Variants in DOCK4 observed in about 807,000 individuals in gnomAD.
DOCK4 encodes dedicator of cytokinesis protein 4.
Under a neutral mutation model 268.1 loss-of-function variants are expected in DOCK4, and 97 were observed. The observed-to-expected ratio is 0.36, with a 90% CI of 0.31 to 0.43. DOCK4 has a LOEUF of 0.43. DOCK4 is among the 20% of genes least tolerant of loss of function. The pLI, the probability that DOCK4 is intolerant of heterozygous loss-of-function variation, is 1.00. For missense variants in DOCK4, 2,145 were observed against 2,455.7 expected, an observed-to-expected ratio of 0.87 and a Z score of 2.67; for synonymous variants, 954 against 887.2, an observed-to-expected ratio of 1.08 and a Z score of -1.34.
At chr7:111,779,024 C>T (rs1468021189) in intron 35 of DOCK4, among the ~76,000 whole-genome samples, 1 of 151,462 alleles carries the variant, frequency 6.6e-6, no homozygotes, top group Admixed American at 6.6e-5. Flanking sequence ...CACTGCACTG[C>T]AGCCTGGTGA....
intron 1 of DOCK4, among the ~76,000 whole-genome samples, chr7:112,015,357 G>C (rs1801724939): frequency 6.6e-6 from 1 of 152,178 alleles, no homozygotes; most frequent in African/African-American, 2.4e-5. Context: ...GTAACTCCAA[G>C]AATAATCCAC....
chr7:112,090,524 A>G (rs974309837), intron 1 of DOCK4, among the ~76,000 whole-genome samples: 6 of 152,210 alleles, frequency 3.9e-5, no homozygotes, highest in African/African-American at 1.4e-4. Flanking sequence ...GTAAGTAACC[A>G]TATTTTATAA....
At chr7:111,963,325 AGTGGGCGCAGGCCAGT>A (rs1797090103) in intron 8 of DOCK4, among the ~76,000 whole-genome samples, 1 of 141,292 alleles carries the variant, frequency 7.1e-6, no homozygotes, top group East Asian at 2.2e-4. Context: ...AGTGCCAGAC[AGTGGGCGCAGGCCAGT>A]GTGTGTGCGC....
chr7:112,127,706 A>C (rs189043649), intron 1 of DOCK4, among the ~76,000 whole-genome samples: 2 of 152,346 alleles, frequency 1.3e-5, no homozygotes, highest in Non-Finnish European at 2.9e-5. Context: ...CCAATACTAC[A>C]TCACCAATGA....
chr7:111,875,766 C>T (rs1480787599), intron 17 of DOCK4, among the ~76,000 whole-genome samples: 1 of 152,174 alleles, frequency 6.6e-6, no homozygotes, highest in Non-Finnish European at 1.5e-5. Context: ...GAATGCAGCC[C>T]TGCTGGCACC....
At chr7:111,908,197 C>T (rs1586334134) in intron 13 of DOCK4, among the ~76,000 whole-genome samples, 2 of 152,036 alleles carry the variant, frequency 1.3e-5, no homozygotes, top group South Asian at 4.1e-4. Context: ...ACCTGTAATC[C>T]CAGCACTTTG....
intron 17 of DOCK4, among the ~76,000 whole-genome samples, chr7:111,873,772 G>A (rs949276291): frequency 3.3e-5 from 5 of 151,926 alleles, no homozygotes; most frequent in African/African-American, 1.2e-4. Context: ...ACCTCACAAA[G>A]GATTTACTAT....
intron 32 of DOCK4, among the ~76,000 whole-genome samples, chr7:111,787,020 T>G (rs1799218690): frequency 6.6e-6 from 1 of 152,186 alleles, no homozygotes; most frequent in African/African-American, 2.4e-5. Flanking sequence ...TACCTTAAAA[T>G]AGTCCTGATT....
chr7:112,191,830 C>T (rs1402274100), intron 1 of DOCK4, among the ~76,000 whole-genome samples: 2 of 151,908 alleles, frequency 1.3e-5, no homozygotes, highest in Non-Finnish European at 2.9e-5. Flanking sequence ...ACAGGCCCAG[C>T]CCTTGGTAAG....
At chr7:112,166,575 T>C (rs530622471) in intron 1 of DOCK4, among the ~76,000 whole-genome samples, 1 of 152,330 alleles carries the variant, frequency 6.6e-6, no homozygotes, top group South Asian at 2.1e-4. Context: ...ATCTATGAAA[T>C]CTAATCATTT....
intron 1 of DOCK4, among the ~76,000 whole-genome samples, chr7:112,157,179 T>C (rs1816689838): frequency 6.6e-6 from 1 of 152,162 alleles, no homozygotes; most frequent in Non-Finnish European, 1.5e-5. Context: ...TTTCCCGTCA[T>C]TTGAGAGCAG....
chr7:112,191,684 T>C (rs1189262557), intron 1 of DOCK4, among the ~76,000 whole-genome samples: 1 of 152,090 alleles, frequency 6.6e-6, no homozygotes, highest in Admixed American at 6.6e-5. Flanking sequence ...TGTGATACCA[T>C]GAAGGGACCA....
At chr7:111,778,255 T>C (rs1056480714) in intron 36 of DOCK4, 21 bp downstream of exon 36, 10 of 1,570,244 alleles carry the variant, frequency 6.4e-6, no homozygotes, top group Non-Finnish European at 8.8e-6. Flanking sequence ...CTTCCCAATC[T>C]GAGCCAAAAG....
chr7:112,003,003 A>G (rs1334043174), intron 2 of DOCK4, among the ~76,000 whole-genome samples: 1 of 150,530 alleles, frequency 6.6e-6, no homozygotes, highest in Non-Finnish European at 1.5e-5. Flanking sequence ...GTGAGCCAAG[A>G]TCCCGCCACT....
intron 8 of DOCK4, among the ~76,000 whole-genome samples, chr7:111,950,345 G>A (rs1795959283): frequency 6.6e-6 from 1 of 152,226 alleles, no homozygotes; most frequent in South Asian, 2.1e-4. Flanking sequence ...TCGCAACTCT[G>A]TGGTAAGTAT....
intron 1 of DOCK4, among the ~76,000 whole-genome samples, chr7:112,084,652 C>T (rs1377703697): frequency 6.6e-6 from 1 of 152,070 alleles, no homozygotes; most frequent in Non-Finnish European, 1.5e-5. Context: ...TAGAGCAATG[C>T]AGGAAATTTC....
chr7:112,186,456 G>A (rs1819501592), intron 1 of DOCK4, among the ~76,000 whole-genome samples: 1 of 152,102 alleles, frequency 6.6e-6, no homozygotes, highest in South Asian at 2.1e-4. Flanking sequence ...TTTCTCACTA[G>A]TAAAAAGGTG....
intron 8 of DOCK4, among the ~76,000 whole-genome samples, chr7:111,958,564 T>C (rs1470436959): frequency 6.6e-6 from 1 of 152,210 alleles, no homozygotes; most frequent in Non-Finnish European, 1.5e-5. Context: ...CTGGTCACTT[T>C]CTAAAATCCT....
chr7:111,973,677 T>C (rs1300965331), intron 8 of DOCK4, among the ~76,000 whole-genome samples: 1 of 70,942 alleles, frequency 1.4e-5, no homozygotes, highest in Non-Finnish European at 2.4e-5. Context: ...TTAGAGTTCC[T>C]TTTTTTTTTT....
Sources: gnomAD v4.1 joint callset for allele counts (sites outside exome capture counted in the v4.1 genomes callset) on GRCh38, gnomAD v4.1.1 for gene constraint, MANE v1.5 for transcripts, NCBI Gene and HGNC (gene_info 2026-07-23, HGNC 2026-07-21) for gene names.